The following GALNT7 variants were observed in gnomAD, a reference collection of about 807,000 sequenced individuals.
GALNT7 encodes the protein N-acetylgalactosaminyltransferase 7.
Under a neutral mutation model 82.1 loss-of-function variants are expected in GALNT7, and 60 were observed. That is an observed-to-expected ratio of 0.73 (90% CI 0.59 to 0.91). GALNT7 has a LOEUF of 0.91. Among genes scored for constraint, GALNT7 ranks in the 40% least tolerant of loss-of-function variants. GALNT7 has a pLI of 0.00. For synonymous variants in GALNT7, 243 were observed against 275.1 expected, an observed-to-expected ratio of 0.88 and a Z score of 1.15; for missense variants, 660 against 804.2, an observed-to-expected ratio of 0.82 and a Z score of 2.17.
chr4:173,285,310 A>G (rs1736283437), intron 2 of GALNT7, among the ~76,000 whole-genome samples: 1 of 152,232 alleles, frequency 6.6e-6, no homozygotes, highest in Non-Finnish European at 1.5e-5. Context: ...AAGCCTGGTA[A>G]GTTGTTTTAA....
chr4:173,293,437 G>A (rs925447736), intron 3 of GALNT7, among the ~76,000 whole-genome samples: 1 of 152,148 alleles, frequency 6.6e-6, no homozygotes, highest in African/African-American at 2.4e-5. Flanking sequence ...GAAAATCTCA[G>A]TCCTATCCTT....
intron 1 of GALNT7, among the ~76,000 whole-genome samples, chr4:173,170,132 TC>T (rs1037588489): frequency 2.0e-5 from 3 of 151,780 alleles, no homozygotes; most frequent in East Asian, 2.0e-4. Flanking sequence ...CTGACCTGCT[TC>T]CCCCCGGATG....
chr4:173,211,980 C>T (rs1437763281), intron 1 of GALNT7, among the ~76,000 whole-genome samples: 1 of 152,180 alleles, frequency 6.6e-6, no homozygotes, highest in Non-Finnish European at 1.5e-5. Context: ...TGCCAGATAT[C>T]AGCAGGCAGT....
intron 9 of GALNT7, among the ~76,000 whole-genome samples, chr4:173,315,670 A>G (rs1737573317): frequency 6.6e-6 from 1 of 152,094 alleles, no homozygotes; most frequent in East Asian, 1.9e-4. Context: ...CTATACTCTT[A>G]TTTTACCTGT....
intron 1 of GALNT7, among the ~76,000 whole-genome samples, chr4:173,234,308 A>AT (rs1471747335): frequency 3.2e-4 from 49 of 152,246 alleles, no homozygotes; most frequent in African/African-American, 9.4e-4. Context: ...CTCTTGAGTC[A>AT]ATTATTATCT....
At chr4:173,244,836 G>A (rs546260245) in intron 1 of GALNT7, among the ~76,000 whole-genome samples, 92 of 152,268 alleles carry the variant, frequency 6.0e-4, no homozygotes, top group African/African-American at 2.1e-3. Flanking sequence ...AGATAAAAGA[G>A]AATAAAAAGT....
At chr4:173,300,856 G>A (rs1284023487) in intron 6 of GALNT7, among the ~76,000 whole-genome samples, 2 of 152,096 alleles carry the variant, frequency 1.3e-5, no homozygotes, top group Non-Finnish European at 2.9e-5. Context: ...TTTCAAGGCT[G>A]GGTGCAGTGG....
chr4:173,306,640 G>C (rs139006652), intron 8 of GALNT7, among the ~76,000 whole-genome samples: 95 of 152,244 alleles, frequency 6.2e-4, no homozygotes, highest in African/African-American at 1.9e-3. Flanking sequence ...TTCTGTTAAT[G>C]TGGAGTATCA....
At chr4:173,178,518 G>C (rs1732146239) in intron 1 of GALNT7, among the ~76,000 whole-genome samples, 1 of 152,106 alleles carries the variant, frequency 6.6e-6, no homozygotes, top group African/African-American at 2.4e-5. Flanking sequence ...TAAGAATCCT[G>C]AATATTTCCA....
chr4:173,239,170 G>T (rs1414258284), intron 1 of GALNT7, among the ~76,000 whole-genome samples: 1 of 152,158 alleles, frequency 6.6e-6, no homozygotes. Context: ...ATCTGAGGAA[G>T]AGAAGAAACT....
intron 1 of GALNT7, among the ~76,000 whole-genome samples, chr4:173,218,469 GTTTCCTTTGC>G (rs1733540238): frequency 6.6e-6 from 1 of 151,156 alleles, no homozygotes; most frequent in East Asian, 2.0e-4. Context: ...TCAATATTTT[GTTTCCTTTGC>G]TTTGGAAACA....
At chr4:173,182,226 A>G (rs554430168) in intron 1 of GALNT7, among the ~76,000 whole-genome samples, 2 of 152,348 alleles carry the variant, frequency 1.3e-5, no homozygotes, top group South Asian at 2.1e-4. Context: ...TTCTGCATTT[A>G]TAAATGCAGA....
chr4:173,260,193 G>A (rs1225189221), intron 2 of GALNT7, among the ~76,000 whole-genome samples: 2 of 152,188 alleles, frequency 1.3e-5, no homozygotes, highest in Non-Finnish European at 2.9e-5. Flanking sequence ...ATAGGTTCAG[G>A]AAGAAGATGT....
At chr4:173,269,452 G>A (rs952940652) in intron 2 of GALNT7, among the ~76,000 whole-genome samples, 1 of 152,164 alleles carries the variant, frequency 6.6e-6, no homozygotes. Context: ...AGCTGCTGCA[G>A]TTAGTGACAT....
intron 1 of GALNT7, among the ~76,000 whole-genome samples, chr4:173,188,987 T>C (rs191751583): frequency 6.6e-6 from 1 of 152,304 alleles, no homozygotes; most frequent in Non-Finnish European, 1.5e-5. Context: ...GAGGTTAAAG[T>C]GTTCCAGTGG....
intron 4 of GALNT7, 113 bp from the exon 5 acceptor site, chr4:173,295,651 G>A: frequency 7.9e-6 from 9 of 1,141,600 alleles, no homozygotes; most frequent in South Asian, 2.6e-5. Context: ...GATAACTTAT[G>A]TGTCAGAATT....
At position 173,289,805 on chromosome 4, in the gene GALNT7, GT is replaced by G. The variant is rs139472771; in HGVS notation, c.588-2293del. 3.7e-4 allele frequency among the ~76,000 whole-genome samples: 56 copies of G among 150,072 alleles called. No individual in the cohort carries two copies. In the East Asian group the frequency reaches 8.2e-3, roughly 22 times the overall value. On this transcript the variant is annotated intron_variant, in intron 2 of 11. Transcript: ENST00000265000. ...TTATCTGTGTGTAGGTGTAGCCTGA[GT>G]TTTTTTTTTCCCCAGGTTGTTTTAA...
At chr4:173,217,823 G>C (rs1289975816) in intron 1 of GALNT7, among the ~76,000 whole-genome samples, 1 of 152,204 alleles carries the variant, frequency 6.6e-6, no homozygotes, top group African/African-American at 2.4e-5. Context: ...CTTTCACTCT[G>C]TGAGTCATTA....
chr4:173,203,628 T>C (rs1386565812), intron 1 of GALNT7, among the ~76,000 whole-genome samples: 2 of 152,194 alleles, frequency 1.3e-5, no homozygotes, highest in African/African-American at 4.8e-5. Context: ...TTGAGTATCC[T>C]CCTTAGGTTT....
Sources: allele counts gnomAD v4.1 joint callset (sites outside exome capture counted in the v4.1 genomes callset), GRCh38; gene constraint gnomAD v4.1.1; transcripts MANE v1.5; gene names NCBI Gene and HGNC (gene_info 2026-07-23, HGNC 2026-07-21).